The following WWOX variants were observed in gnomAD, a reference collection of about 807,000 sequenced individuals.
WWOX encodes WW domain-containing oxidoreductase.
Under a neutral mutation model 46.2 loss-of-function variants are expected in WWOX, and 69 were observed. The observed-to-expected ratio is 1.49, with a 90% confidence interval of 1.23 to 1.82. WWOX has a LOEUF of 1.82. Ranked by LOEUF, WWOX falls within the 40% of genes most tolerant of loss-of-function variation. The probability of loss-of-function intolerance (pLI) is 0.00; values close to 1 mark genes in which losing one functional copy is unlikely to be tolerated. For missense variants in WWOX, 919 were observed against 542.6 expected (o/e 1.69, Z -6.89); for synonymous variants, 359 against 202.6 (o/e 1.77, Z -6.56).
At chr16:78,945,825 T>C (rs1312580576) in intron 8 of WWOX, among the ~76,000 whole-genome samples, 1 of 152,150 alleles carries the variant, frequency 6.6e-6, no homozygotes, top group African/African-American at 2.4e-5. Context: ...TTCGTATGGG[T>C]TGAGCATGGA....
chr16:78,604,232 A>C (rs2045690731), intron 8 of WWOX, among the ~76,000 whole-genome samples: 1 of 152,120 alleles, frequency 6.6e-6, no homozygotes, highest in Non-Finnish European at 1.5e-5. Context: ...GTTTACATGT[A>C]CTCCAAATGT....
At chr16:78,375,299 C>G (rs1427642011) in intron 5 of WWOX, among the ~76,000 whole-genome samples, 1 of 152,254 alleles carries the variant, frequency 6.6e-6, no homozygotes, top group Non-Finnish European at 1.5e-5. Flanking sequence ...GGCCGGCATT[C>G]AGCCAAACAG....
chr16:78,752,735 CCT>C (rs1418956294), intron 8 of WWOX, among the ~76,000 whole-genome samples: 1 of 152,082 alleles, frequency 6.6e-6, no homozygotes, highest in Non-Finnish European at 1.5e-5. Context: ...GTTTATATGC[CCT>C]GTCTTCTTTA....
intron 8 of WWOX, among the ~76,000 whole-genome samples, chr16:79,139,335 G>A (rs2050043592): frequency 6.6e-6 from 1 of 152,166 alleles, no homozygotes. Context: ...TTGGTGCCCC[G>A]TTGGCATGTG....
chr16:78,980,382 T>C (rs1005874436), intron 8 of WWOX, among the ~76,000 whole-genome samples: 9 of 152,296 alleles, frequency 5.9e-5, no homozygotes, highest in Admixed American at 2.6e-4. Context: ...ACAATGTCCT[T>C]GGAATGGTTT....
At chr16:78,570,731 C>T (rs1208347330) in intron 8 of WWOX, among the ~76,000 whole-genome samples, 2 of 152,108 alleles carry the variant, frequency 1.3e-5, no homozygotes, top group Non-Finnish European at 2.9e-5. Context: ...GTGGGGGAGC[C>T]AGCCAAAAAA....
chr16:79,112,920 A>G (rs965834588), intron 8 of WWOX, among the ~76,000 whole-genome samples: 3 of 152,226 alleles, frequency 2.0e-5, no homozygotes, highest in Non-Finnish European at 4.4e-5. Flanking sequence ...AGCTCAGCAC[A>G]GCTGAAAACC....
intron 5 of WWOX, among the ~76,000 whole-genome samples, chr16:78,205,613 C>G (rs2036365057): frequency 6.6e-6 from 1 of 151,928 alleles, no homozygotes; most frequent in Non-Finnish European, 1.5e-5. Context: ...ACACTTCCAT[C>G]TGCCTTTCCA....
chr16:79,112,619 C>G (rs1000957937), intron 8 of WWOX, among the ~76,000 whole-genome samples: 2 of 152,238 alleles, frequency 1.3e-5, no homozygotes, highest in African/African-American at 4.8e-5. Context: ...TTATTTCTCA[C>G]TCTCCCACTG....
At chr16:78,398,689 T>C (rs2082343731) in intron 6 of WWOX, among the ~76,000 whole-genome samples, 1 of 152,210 alleles carries the variant, frequency 6.6e-6, no homozygotes, top group East Asian at 1.9e-4. Context: ...TAGCTTGTAA[T>C]ATCTGTGCTA....
At chr16:78,428,593 G>A (rs905024929) in intron 7 of WWOX, among the ~76,000 whole-genome samples, 1 of 152,164 alleles carries the variant, frequency 6.6e-6, no homozygotes, top group Non-Finnish European at 1.5e-5. Context: ...CTTGTTTCTA[G>A]ATTAGGGATC....
At chr16:78,636,794 A>G (rs894661016) in intron 8 of WWOX, among the ~76,000 whole-genome samples, 2 of 152,164 alleles carry the variant, frequency 1.3e-5, no homozygotes, top group African/African-American at 2.4e-5. Flanking sequence ...AAGGGAGGCA[A>G]GAGGCATTCA....
intron 8 of WWOX, among the ~76,000 whole-genome samples, chr16:79,010,116 T>G (rs1025881508): frequency 6.6e-6 from 1 of 152,198 alleles, no homozygotes; most frequent in African/African-American, 2.4e-5. Flanking sequence ...CACTCCACCT[T>G]ACTCATGCCT....
chr16:78,743,925 G>C (rs2049288528), intron 8 of WWOX, among the ~76,000 whole-genome samples: 1 of 151,940 alleles, frequency 6.6e-6, no homozygotes, highest in Non-Finnish European at 1.5e-5. Context: ...TCTATGCTTG[G>C]GCTGCTCCCA....
At chr16:78,774,862 T>C (rs186389248) in intron 8 of WWOX, among the ~76,000 whole-genome samples, 54 of 152,292 alleles carry the variant, frequency 3.5e-4, no homozygotes, top group Admixed American at 1.8e-3. Context: ...CATCCCCTTA[T>C]TGAGCAGATG....
At chr16:78,365,396 T>C (rs996788308) in intron 5 of WWOX, among the ~76,000 whole-genome samples, 2 of 152,196 alleles carry the variant, frequency 1.3e-5, no homozygotes, top group Non-Finnish European at 2.9e-5. Context: ...TACATCCGTC[T>C]AAATCAGGTG....
intron 8 of WWOX, among the ~76,000 whole-genome samples, chr16:78,844,503 C>T (rs1407254638): frequency 1.3e-5 from 2 of 152,016 alleles, no homozygotes; most frequent in Non-Finnish European, 2.9e-5. Flanking sequence ...TAATGGAAAA[C>T]ATCCCGAGCC....
intron 8 of WWOX, among the ~76,000 whole-genome samples, chr16:78,778,341 C>A (rs529609181): frequency 6.6e-6 from 1 of 152,146 alleles, no homozygotes. Flanking sequence ...GCAGGTTTCA[C>A]GTAACTGATT....
chr16:78,416,933 A>C (rs1040013805), intron 6 of WWOX, among the ~76,000 whole-genome samples: 1 of 152,024 alleles, frequency 6.6e-6, no homozygotes, highest in Admixed American at 6.5e-5. Context: ...GGAAAATAAC[A>C]TGGCTGAGCT....
Sources: gnomAD v4.1 joint callset for allele counts (sites outside exome capture counted in the v4.1 genomes callset) on GRCh38, gnomAD v4.1.1 for gene constraint, MANE v1.5 for transcripts, NCBI Gene and HGNC (gene_info 2026-07-23, HGNC 2026-07-21) for gene names.